Variants in AGRN observed in about 807,000 individuals in gnomAD.
AGRN encodes the protein agrin proteoglycan.
A neutral mutation model predicts 211.0 loss-of-function variants in AGRN; 106 were observed. That is an observed-to-expected ratio of 0.50 (90% CI 0.43 to 0.59). The LOEUF is 0.59. Ranked by LOEUF, AGRN falls within the 20% of genes least tolerant of loss-of-function variation. AGRN has a pLI of 0.00. For synonymous variants in AGRN, 1,525 were observed against 1,332.5 expected (o/e 1.14, Z -3.15); for missense variants, 3,040 against 2,982.6 (o/e 1.02, Z -0.45).
rs571230424 is a variant in AGRN, at chr1:1,047,579, G to A, written c.3523G>A (p.Asp1175Asn). The A allele has an allele frequency of 4.3e-6, 7 of 1,612,914 alleles. No individual in the cohort carries two copies. In the Admixed American group the frequency reaches 6.7e-5, roughly 15 times the overall value. The change falls in exon 21 of 36, where the codon GAC becomes AAC. Residue 1175 changes from aspartate to asparagine, a missense_variant. Transcript: ENST00000379370. ...TGCCTACTCCCTGCCACAGCTGGAC[G>A]ACCTCTTCCGGAATTCAGACGTCAA... is the stretch of plus-strand genomic sequence containing the variant. ...TARSIESTLD[D>N]LFRNSDVKKD...
chr1:1,020,454 C>G, intron 1 of AGRN, 81 bp downstream of exon 1: 1 of 1,351,094 alleles, frequency 7.4e-7, no homozygotes, highest in African/African-American at 1.5e-5. Context: ...TGGGAACCAG[C>G]CCCGGTCGCT....
At chr1:1,024,686 G>T (rs1309125768) in intron 2 of AGRN, among the ~76,000 whole-genome samples, 1 of 152,068 alleles carries the variant, frequency 6.6e-6, no homozygotes, top group Non-Finnish European at 1.5e-5. Context: ...CTCTACTGAG[G>T]ACTTCCTTTC....
chr1:1,045,924 G>T (rs879452201), intron 15 of AGRN, 40 bp from the exon 16 acceptor site: 2 of 1,611,122 alleles, frequency 1.2e-6, no homozygotes, highest in Middle Eastern at 1.7e-4. Context: ...GTGGGGTGGG[G>T]TCACCCGAGC....
At position 1,040,728 on chromosome 1, in the gene AGRN, G is replaced by C; in HGVS notation, c.575G>C (p.Arg192Pro). 1 of 1,546,168 alleles carries C rather than the reference G, an allele frequency of 6.5e-7. No homozygotes were observed. The highest frequency in any genetic ancestry group is 1.2e-5 in the South Asian group (1 of 84,076). Residue 192 changes from arginine to proline, a missense_variant, in exon 4 of 36, where the codon CGG becomes CCG. Transcript: ENST00000379370. The part of the protein sequence containing the change: ...VCEPNAEGPG[R>P]ASCVCKKSPC... ...GAGCCCAACGCGGAGGGGCCGGGCC[G>C]GGCGTCCTGCGTCTGCAAGAAGAGC...
In AGRN at chr1:1,054,467, C is replaced by T. The variant is rs115828965; in HGVS notation, c.5896C>T (p.Leu1966=). The change falls in exon 35 of 36, where the codon CTG becomes TTG. Residue 1966 remains leucine, a synonymous_variant. Coordinates refer to ENST00000379370, the MANE Select transcript of AGRN (RefSeq NM_198576.4). ...ACCCAGGGAGCAGAGGGAAGGTTCC[C>T]TGCAGGTGGGCAATGAGGCCCCTGT... The part of the protein sequence containing the change: ...VAHREQREGS[L]QVGNEAPVTG... 1,038 of 1,595,066 alleles carry T rather than the reference C, an allele frequency of 6.5e-4. 3 individuals carry two copies. The African/African-American group carries it at 0.012, about 19-fold the overall frequency.
intron 2 of AGRN, among the ~76,000 whole-genome samples, chr1:1,025,561 G>C (rs3121554): frequency 0.31 from 46,593 of 151,420 alleles, 7,546 homozygotes; most frequent in Non-Finnish European, 0.35. Flanking sequence ...CAACTCCTCC[G>C]CATTCCTGCC....
Position 1,043,568 on chromosome 1 carries a change from T to C in AGRN, c.1634T>C (p.Leu545Pro). The change falls in exon 9 of 36, where the codon CTG (leucine) becomes CCG (proline). Residue 545 changes from leucine to proline, a missense_variant. By Grantham distance (98) the Leu-to-Pro change is moderately conservative. Coordinates refer to ENST00000379370, the MANE Select transcript of AGRN (RefSeq NM_198576.4). The part of the protein sequence containing the change: ...DRCGQCRFGA[L>P]CEAETGRCVC... Reference sequence around the variant, plus strand: ...TGCGGGCAGTGCCGCTTTGGAGCCCTGTGCGAGGCCGAGACCGGGCGCTGC... The same window carrying C: ...TGCGGGCAGTGCCGCTTTGGAGCCCCGTGCGAGGCCGAGACCGGGCGCTGC... The C allele has an allele frequency of 1.2e-6, 2 of 1,605,164 alleles. No individual in the cohort carries two copies. The highest frequency in any genetic ancestry group is 1.7e-6 in the Non-Finnish European group (2 of 1,179,802).
rs779617012 is a variant in AGRN at position 1,028,320 on chromosome 1, G to GCACCCCC, written c.463+5859_463+5860insACCCCCC. On this transcript the variant is annotated intron_variant, in intron 2 of 35. Coordinates refer to ENST00000379370, the MANE Select transcript of AGRN (RefSeq NM_198576.4). ...GCCGTTCTCTCTCCCGTGGGGAAACGCCCCCCCCCCCCCCCCGCCCTGCAC... is the reference window on the plus strand; with the variant it reads ...GCCGTTCTCTCTCCCGTGGGGAAACGCACCCCCCCCCCCCCCCCCCCCCGCCCTGCAC... 5.2e-3 allele frequency among the ~76,000 whole-genome samples: 546 copies of GCACCCCC among 105,110 alleles called. 44 individuals carry two copies. Among genetic ancestry groups the GCACCCCC allele is most frequent in the African/African-American group, 0.01 (256 of 24,566 alleles). 69.0% of individuals were successfully genotyped at this position (105,110 alleles called of 152,430 possible). A position where few individuals can be genotyped will look rare whatever the true frequency, so the allele number is the denominator to read the frequency against.
At position 1,049,016 on chromosome 1, in the gene AGRN, G is replaced by A; in HGVS notation, c.4255G>A (p.Asp1419Asn). 1 of 1,579,718 alleles carries A rather than the reference G, an allele frequency of 6.3e-7. No individual in the cohort carries two copies. Among genetic ancestry groups the A allele is most frequent in the Non-Finnish European group, 8.6e-7 (1 of 1,164,872 alleles). ...GTACAATGGCAACGCCCGGGGCAAG[G>A]ACTTCCTGGCATTGGCGCTGCTAGA... ...LLYNGNARGK[D>N]FLALALLDGR... The change falls in exon 24 of 36, where the codon GAC (aspartate) becomes AAC (asparagine). Residue 1419 changes from aspartate to asparagine, a missense_variant. Asp to Asn is a conservative substitution (Grantham distance 23, BLOSUM62 1). This residue lies in a region of AGRN where 1,537 missense variants were observed against 1,505.0 expected (regional missense o/e 1.02). Transcript: ENST00000379370.
rs758792323 is a variant in AGRN at position 1,048,129 on chromosome 1, A to G, written c.3869A>G (p.His1290Arg). The change falls in exon 23 of 36, where the codon CAC (histidine) becomes CGC (arginine). Residue 1290 changes from histidine to arginine, a missense_variant. Coordinates refer to ENST00000379370, the MANE Select transcript of AGRN (RefSeq NM_198576.4). This position sits in a 1 kb window ranked among gnomAD's most constrained non-coding sequence, Gnocchi z 5.9. ...PSSAVTPRAP[H>R]PSHTSQPVAK... ...TCTGCTGTGACCCCTCGGGCCCCGC[A>G]CCCCAGTCACACAAGCCAGCCCGTT... 1.3e-6 allele frequency: 2 copies of G among 1,565,044 alleles called. No individual in the cohort carries two copies. The highest frequency in any genetic ancestry group is 8.6e-7 in the Non-Finnish European group (1 of 1,163,600).
chr1:1,051,767 C>T lies in AGRN; in HGVS notation c.5603C>T (p.Ala1868Val). ...EKSAGDVDTL[A>V]FDGRTFVEYL... ...TCAGCGGGGGACGTGGATACCTTGG[C>T]CTTTGACGGGCGGACCTTTGTCGAG... Residue 1868 changes from alanine (A) to valine (V), a missense_variant, in exon 33 of 36, where the codon GCC becomes GTC. Physicochemically the swap from Ala to Val is moderately conservative, Grantham distance 64. Transcript: ENST00000379370. The T allele has an allele frequency of 6.2e-7, 1 of 1,613,868 alleles. No individual in the cohort carries two copies. The highest frequency in any genetic ancestry group is 2.2e-5 in the East Asian group (1 of 44,870).
At chr1:1,040,190 G>A (rs1388031139) in intron 3 of AGRN, among the ~76,000 whole-genome samples, 1 of 152,204 alleles carries the variant, frequency 6.6e-6, no homozygotes, top group Non-Finnish European at 1.5e-5. Context: ...AGCGCGGGAA[G>A]GGGCTCCCCC....
Position 1,034,767 on chromosome 1 carries a change from AGGCTGGAGGCCGC to A in AGRN, c.464-506_464-494del, listed in dbSNP as rs939708717. On this transcript the variant is annotated intron_variant, in intron 2 of 35. Coordinates refer to ENST00000379370, the MANE Select transcript of AGRN (RefSeq NM_198576.4). Reference sequence around the variant, plus strand: ...CCAACCCCGAGGCCCCTGCACATAGAGGCTGGAGGCCGCGGCGGGTCCGCGGGGCTCCCGGCAG... The same window carrying A: ...CCAACCCCGAGGCCCCTGCACATAGAGGCGGGTCCGCGGGGCTCCCGGCAG... 52 of 999,480 alleles carry A rather than the reference AGGCTGGAGGCCGC, an allele frequency of 5.2e-5. No homozygotes were observed. The African/African-American group carries it at 8.5e-4, about 16-fold the overall frequency. 61.9% of individuals were successfully genotyped at this position (999,480 alleles called of 1,614,324 possible). A position where few individuals can be genotyped will look rare whatever the true frequency, so the allele number is the denominator to read the frequency against.
intron 3 of AGRN, among the ~76,000 whole-genome samples, chr1:1,039,154 C>T (rs1053491327): frequency 6.6e-6 from 1 of 152,134 alleles, no homozygotes; most frequent in Non-Finnish European, 1.5e-5. Flanking sequence ...TAATGCAGAG[C>T]TGAGCAGCCT....
chr1:1,023,405 C>T (rs1644453864), intron 2 of AGRN, among the ~76,000 whole-genome samples: 1 of 152,202 alleles, frequency 6.6e-6, no homozygotes, highest in Admixed American at 6.5e-5. Context: ...TTTTCCCCAG[C>T]CTGTGGTCAG....
chr1:1,037,311 C>T (rs1644825077), intron 3 of AGRN, among the ~76,000 whole-genome samples: 1 of 152,194 alleles, frequency 6.6e-6, no homozygotes. Flanking sequence ...TGGGGAGTGT[C>T]TCCTTTTCTT....
intron 12 of AGRN, 140 bp from the exon 13 acceptor site, chr1:1,045,021 C>T (rs1167769477): frequency 1.1e-6 from 1 of 875,994 alleles, no homozygotes; most frequent in African/African-American, 1.7e-5. Context: ...TGTCCTCAGC[C>T]CCAGGCTCCC....
intron 3 of AGRN, among the ~76,000 whole-genome samples, 155 bp downstream of exon 3, chr1:1,035,479 G>T (rs1195490460): frequency 6.6e-6 from 1 of 152,172 alleles, no homozygotes; most frequent in African/African-American, 2.4e-5. Flanking sequence ...GTCCGCAGCG[G>T]TGGGCCGCAG....
Position 1,048,033 on chromosome 1 carries a change from CG to C in AGRN, c.3778del (p.Ala1260ProfsTer25). On this transcript the variant is annotated frameshift_variant, in exon 23 of 36. Coordinates refer to ENST00000379370, the MANE Select transcript of AGRN (RefSeq NM_198576.4). LOFTEE classifies it high-confidence loss of function. This position sits in a 1 kb window ranked among gnomAD's most constrained non-coding sequence, Gnocchi z 5.9. ...GCAGACTGGTTTCCTGCGTTTATCA[CG>C]GGGGCCACGTCAGGAGCCATTGCTG... ...MDFDWFPAFITGATSGAIAAG... is the reference protein window; with the variant it reads ...MDFDWFPAFIXGATSGAIAAG... The C allele has an allele frequency of 1.9e-6, 3 of 1,584,644 alleles. No homozygotes were observed. The highest frequency in any genetic ancestry group is 2.6e-6 in the Non-Finnish European group (3 of 1,170,494).
Sources: allele counts gnomAD v4.1 joint callset (sites outside exome capture counted in the v4.1 genomes callset), GRCh38; gene constraint gnomAD v4.1.1; regional missense constraint gnomAD v4.1.1; non-coding constraint Gnocchi (gnomAD v3.1); transcripts MANE v1.5; gene names NCBI Gene and HGNC (gene_info 2026-07-23, HGNC 2026-07-21).